TCTN1: variants seen among roughly 807,000 people sequenced by gnomAD.
TCTN1 encodes the protein tectonic-1.
Under a neutral mutation model 65.8 loss-of-function variants are expected in TCTN1, and 58 were observed. The observed-to-expected ratio is 0.88, with a 90% CI of 0.71 to 1.10. The LOEUF (loss-of-function observed/expected upper bound fraction) is 1.10. Among genes scored for constraint, TCTN1 ranks in the 50% least tolerant of loss-of-function variants. TCTN1 has a pLI of 0.00. For synonymous variants in TCTN1, 273 were observed against 289.1 expected, an observed-to-expected ratio of 0.94 and a Z score of 0.57; for missense variants, 645 against 719.4, an observed-to-expected ratio of 0.90 and a Z score of 1.18.
At chr12:110,648,339 CT>C (rs1379460588) in intron 14 of TCTN1, among the ~76,000 whole-genome samples, 1 of 152,102 alleles carries the variant, frequency 6.6e-6, no homozygotes, top group African/African-American at 2.4e-5. Context: ...CCCTTCCTGC[CT>C]TTTTTCCTTT....
intron 7 of TCTN1, among the ~76,000 whole-genome samples, chr12:110,637,468 TG>T (rs1203798055): frequency 6.6e-6 from 1 of 152,208 alleles, no homozygotes; most frequent in African/African-American, 2.4e-5. Context: ...CTGTGAAGGG[TG>T]GGAAGACCTA....
At chr12:110,615,285 A>G (rs1004510158) in intron 1 of TCTN1, among the ~76,000 whole-genome samples, 3 of 152,148 alleles carry the variant, frequency 2.0e-5, no homozygotes, top group Non-Finnish European at 2.9e-5. Flanking sequence ...AAAAATTGAC[A>G]TGGATGACTT....
chr12:110,642,806 G>C (rs1335582968), intron 11 of TCTN1, among the ~76,000 whole-genome samples: 1 of 151,792 alleles, frequency 6.6e-6, no homozygotes, highest in Non-Finnish European at 1.5e-5. Context: ...ACCCAGTCTG[G>C]AGTGCAGTGG....
intron 6 of TCTN1, 39 bp downstream of exon 6, chr12:110,634,818 T>C (rs1251420183): frequency 1.4e-5 from 21 of 1,468,644 alleles, no homozygotes; most frequent in East Asian, 4.6e-5. Context: ...TCATTAGGTA[T>C]GTTTCTGTTC....
Position 110,640,435 on chromosome 12 carries a change from C to T in TCTN1, c.896C>T (p.Thr299Ile). 6.2e-6 allele frequency: 10 copies of T among 1,614,162 alleles called. No individual in the cohort carries two copies. The highest frequency in any genetic ancestry group is 8.5e-6 in the Non-Finnish European group (10 of 1,180,030). Residue 299 changes from threonine (T) to isoleucine (I), a missense_variant, in exon 8 of 15, where the codon ACC becomes ATC. By Grantham distance (89) the Thr-to-Ile change is moderately conservative (BLOSUM62 -1). Coordinates refer to ENST00000397659, the MANE Select transcript of TCTN1 (RefSeq NM_001082538.3). The surrounding 1 kb of genome is among the most constrained non-coding windows in gnomAD (Gnocchi z 4.9). ...ATTCAGTCTCTAAATAAAACGCTCACCCGACGGGAGGACACTGATGTGCTG... is the reference window on the plus strand; with the variant it reads ...ATTCAGTCTCTAAATAAAACGCTCATCCGACGGGAGGACACTGATGTGCTG... Reference protein sequence around the residue: ...IVIQSLNKTLTRREDTDVLQP... With the variant: ...IVIQSLNKTLIRREDTDVLQP...
intron 3 of TCTN1, chr12:110,627,801 A>G (rs1283734643): frequency 1.0e-5 from 6 of 582,796 alleles, no homozygotes; most frequent in African/African-American, 7.4e-5. Context: ...TCCAAAGTAC[A>G]TGTACATGTA....
chr12:110,640,967 A>G lies in TCTN1; in HGVS notation c.979-57A>G, dbSNP rs2066911235. 6.2e-7 allele frequency: 1 copy of G among 1,612,118 alleles called. No homozygotes were observed. Among genetic ancestry groups the G allele is most frequent in the African/African-American group, 1.3e-5 (1 of 74,908 alleles). Reference sequence around the variant, plus strand: ...TATCTATGGGTGTTTTCAGTTATTCATACAGCTTCTGAAATGTAATGGAAC... The same window carrying G: ...TATCTATGGGTGTTTTCAGTTATTCGTACAGCTTCTGAAATGTAATGGAAC... On this transcript the variant is annotated intron_variant, in intron 8 of 14. Coordinates refer to ENST00000397659, the MANE Select transcript of TCTN1 (RefSeq NM_001082538.3). This position sits in a 1 kb window ranked among gnomAD's most constrained non-coding sequence, Gnocchi z 4.9.
chr12:110,627,800 C>T, intron 3 of TCTN1: 1 of 580,092 alleles, frequency 1.7e-6, no homozygotes, highest in Non-Finnish European at 3.1e-6. Flanking sequence ...ATCCAAAGTA[C>T]ATGTACATGT....
chr12:110,619,833 C>G lies in TCTN1; in HGVS notation c.221-3C>G. Reference sequence around the variant, plus strand: ...CTGGATCCTACCCCTCTTTTTTCTGCAGTTGCTGTTCTCTGTGTCTGTGAC... The same window carrying G: ...CTGGATCCTACCCCTCTTTTTTCTGGAGTTGCTGTTCTCTGTGTCTGTGAC... On this transcript the variant is annotated splice_polypyrimidine_tract_variant and splice_region_variant and intron_variant, in intron 1 of 14. Coordinates refer to ENST00000397659, the MANE Select transcript of TCTN1 (RefSeq NM_001082538.3). The G allele has an allele frequency of 6.2e-7, 1 of 1,614,098 alleles. No homozygotes were observed. Among genetic ancestry groups the G allele is most frequent in the Non-Finnish European group, 8.5e-7 (1 of 1,180,014 alleles).
Position 110,616,248 on chromosome 12 carries a change from C to T in TCTN1, c.220+1846C>T, listed in dbSNP as rs570598053. ...GGGGATGAATTTGTGCTTGTCCTCACACTTTATTTTTTTTTTTTTTGGTCA... is the reference window on the plus strand; with the variant it reads ...GGGGATGAATTTGTGCTTGTCCTCATACTTTATTTTTTTTTTTTTTGGTCA... On this transcript the variant is annotated intron_variant, in intron 1 of 14. Coordinates refer to ENST00000397659, the MANE Select transcript of TCTN1 (RefSeq NM_001082538.3). 2.9e-5 allele frequency: 13 copies of T among 448,426 alleles called. No homozygotes were observed. The East Asian group carries it at 7.7e-4, about 27-fold the overall frequency. 27.8% of individuals were successfully genotyped at this position (448,426 alleles called of 1,614,324 possible). A position where few individuals can be genotyped will look rare whatever the true frequency, so the allele number is the denominator to read the frequency against.
At position 110,642,359 on chromosome 12, in the gene TCTN1, G is replaced by A. The variant is rs747091094; in HGVS notation, c.1301G>A (p.Gly434Asp). The change falls in exon 11 of 15, where the codon GGT becomes GAT. Residue 434 changes from glycine (G) to aspartate (D), a missense_variant. Transcript: ENST00000397659. The stretch of plus-strand genomic sequence containing the variant: ...GGGGTCCGGACCCCAGTATTATTTG[G>A]TTACACTATGCAATCTGGCTGTAAA... ...LEGVRTPVLF[G>D]YTMQSGCKLR... The A allele has an allele frequency of 1.9e-6, 3 of 1,614,134 alleles. No individual in the cohort carries two copies. Among genetic ancestry groups the A allele is most frequent in the Non-Finnish European group, 2.5e-6 (3 of 1,180,016 alleles).
At position 110,647,337 on chromosome 12, in the gene TCTN1, G is replaced by T; in HGVS notation, c.1635+1G>T. ...TCTAATTTCATCCTCCTTTCCTGAG[G>T]TAGGCCTAACCTAGTTTAAAGGCAT... On this transcript the variant is annotated splice_donor_variant, in intron 13 of 14. Coordinates refer to ENST00000397659, the MANE Select transcript of TCTN1 (RefSeq NM_001082538.3). LOFTEE classifies it high-confidence loss of function. The T allele has an allele frequency of 6.2e-7, 1 of 1,614,146 alleles. No individual in the cohort carries two copies. The highest frequency in any genetic ancestry group is 8.5e-7 in the Non-Finnish European group (1 of 1,180,042).
chr12:110,640,576 G>A lies in TCTN1; in HGVS notation c.978+59G>A, dbSNP rs561626174. 243 of 1,612,638 alleles carry A rather than the reference G, an allele frequency of 1.5e-4. 1 individual carries two copies. The South Asian group carries it at 2.2e-3, about 15-fold the overall frequency. On this transcript the variant is annotated intron_variant, in intron 8 of 14. Transcript: ENST00000397659. This position sits in a 1 kb window ranked among gnomAD's most constrained non-coding sequence, Gnocchi z 4.9. Reference sequence around the variant, plus strand: ...GTGGCAGACTTAAGCCTCTTGTTGCGCCGGGGTAACTGGACGCCCTCCGAG... The same window carrying A: ...GTGGCAGACTTAAGCCTCTTGTTGCACCGGGGTAACTGGACGCCCTCCGAG...
At chr12:110,622,079 A>G (rs1254114854) in intron 2 of TCTN1, among the ~76,000 whole-genome samples, 1 of 151,940 alleles carries the variant, frequency 6.6e-6, no homozygotes, top group African/African-American at 2.4e-5. Flanking sequence ...CAGAGGTTGC[A>G]GGAGCCAAGA....
Position 110,632,568 on chromosome 12 carries a change from G to A in TCTN1, c.712+9G>A. On this transcript the variant is annotated intron_variant, in intron 5 of 14. Coordinates refer to ENST00000397659, the MANE Select transcript of TCTN1 (RefSeq NM_001082538.3). ...TGATAATAACCCTGCAGGTAAGAAAGTGGTCATTCTTCTTTCCTTAGACAT... is the reference window on the plus strand; with the variant it reads ...TGATAATAACCCTGCAGGTAAGAAAATGGTCATTCTTCTTTCCTTAGACAT... The A allele has an allele frequency of 6.2e-7, 1 of 1,613,270 alleles. No individual in the cohort carries two copies. The highest frequency in any genetic ancestry group is 8.5e-7 in the Non-Finnish European group (1 of 1,179,366).
At chr12:110,643,389 C>T (rs920581215) in intron 11 of TCTN1, 12 of 152,082 alleles carry the variant, frequency 7.9e-5, no homozygotes, top group Admixed American at 3.9e-4. Flanking sequence ...AACAGCGCTG[C>T]GCAGCTTGTT....
chr12:110,647,959 G>GAAGT, intron 14 of TCTN1, 66 bp downstream of exon 14: 1 of 1,602,732 alleles, frequency 6.2e-7, no homozygotes, highest in East Asian at 2.2e-5. Flanking sequence ...CGTGGGGCTA[G>GAAGT]AAGTCCCTAG....
chr12:110,634,300 GAA>G, intron 5 of TCTN1: 1 of 436,506 alleles, frequency 2.3e-6, no homozygotes, highest in South Asian at 1.6e-5. Context: ...GGCAGGACAA[GAA>G]TTGGAGGGGG....
At chr12:110,616,348 C>G (rs757218327) in intron 1 of TCTN1, 6 of 394,230 alleles carry the variant, frequency 1.5e-5, no homozygotes, top group Non-Finnish European at 2.6e-5. Flanking sequence ...ACCTCCTAGG[C>G]TCAGGTGATC....
Sources: gnomAD v4.1 joint callset for allele counts (sites outside exome capture counted in the v4.1 genomes callset) on GRCh38, gnomAD v4.1.1 for gene constraint, Gnocchi (gnomAD v3.1) non-coding constraint, MANE v1.5 for transcripts, NCBI Gene and HGNC (gene_info 2026-07-23, HGNC 2026-07-21) for gene names.